The following NSUN6 variants were observed in gnomAD, a reference collection of about 807,000 sequenced individuals.
NSUN6 encodes NOP2/Sun RNA methyltransferase 6, also known as tRNA (cytosine(72)-C(5))-methyltransferase NSUN6.
NSUN6 carries 64 observed loss-of-function variants against 58.0 expected under a neutral mutation model. The observed-to-expected ratio is 1.10, with a 90% confidence interval of 0.90 to 1.36. NSUN6 has a LOEUF of 1.36. Among genes scored for constraint, NSUN6 ranks in the 40% most tolerant of loss-of-function variants. NSUN6 has a pLI of 0.00. For synonymous variants in NSUN6, 231 were observed against 193.9 expected (o/e 1.19, Z -1.59); for missense variants, 701 against 550.1 (o/e 1.27, Z -2.74).
At chr10:18,552,370 AAC>A (rs140683324) in intron 8 of NSUN6, among the ~76,000 whole-genome samples, 17,919 of 152,000 alleles carry the variant, frequency 0.12, 1,113 homozygotes, top group Middle Eastern at 0.19. Flanking sequence ...ACTGTTGTGA[AAC>A]ACACTGATTC....
intron 2 of NSUN6, among the ~76,000 whole-genome samples, chr10:18,646,374 A>G (rs1227924256): frequency 6.6e-6 from 1 of 152,152 alleles, no homozygotes; most frequent in Non-Finnish European, 1.5e-5. Flanking sequence ...AGAATCGGGT[A>G]CTGCTTTACC....
At chr10:18,641,930 C>T (rs1163861154) in intron 3 of NSUN6, among the ~76,000 whole-genome samples, 1 of 151,978 alleles carries the variant, frequency 6.6e-6, no homozygotes, top group African/African-American at 2.4e-5. Flanking sequence ...TAGCCAGGTG[C>T]AGTGGTGCGC....
chr10:18,649,775 T>TA (rs1433682281), intron 1 of NSUN6, among the ~76,000 whole-genome samples: 2 of 152,212 alleles, frequency 1.3e-5, no homozygotes, highest in African/African-American at 4.8e-5. Flanking sequence ...ATCTTCTTTA[T>TA]AAAACGACGT....
Position 18,551,959 on chromosome 10 carries a change from A to C in NSUN6, c.935T>G (p.Phe312Cys). The change falls in exon 9 of 11, where the codon TTT (phenylalanine) becomes TGT (cysteine). Residue 312 changes from phenylalanine (F) to cysteine (C), a missense_variant. By Grantham distance (205) the Phe-to-Cys change is radical. Coordinates refer to ENST00000377304, the MANE Select transcript of NSUN6 (RefSeq NM_182543.5). Reference sequence around the variant, plus strand: ...AATTCGGTCAAAGGATTCTGGTAGAAATGGAGGTTCTCCTATAAAGAGAAT... The same window carrying C: ...AATTCGGTCAAAGGATTCTGGTAGACATGGAGGTTCTCCTATAAAGAGAAT... ...MVEDTEGEPPFLPESFDRILL... is the reference protein window; with the variant it reads ...MVEDTEGEPPCLPESFDRILL... The C allele has an allele frequency of 6.2e-7, 1 of 1,602,786 alleles. No individual in the cohort carries two copies. The highest frequency in any genetic ancestry group is 8.5e-7 in the Non-Finnish European group (1 of 1,170,908).
At chr10:18,581,752 G>A (rs2056913774) in intron 8 of NSUN6, among the ~76,000 whole-genome samples, 1 of 151,852 alleles carries the variant, frequency 6.6e-6, no homozygotes, top group Non-Finnish European at 1.5e-5. Context: ...CTTGAACCCG[G>A]GAGGCGGAGG....
intron 8 of NSUN6, among the ~76,000 whole-genome samples, chr10:18,559,966 GGAATGGAATGGAGAATC>G (rs1471566453): frequency 6.6e-6 from 1 of 150,422 alleles, no homozygotes; most frequent in East Asian, 2.0e-4. Flanking sequence ...AGAATGGTTT[GGAATGGAATGGAGAATC>G]GAATGGAATA....
rs113934634 is a variant in NSUN6, at chr10:18,577,829, C to T, written c.922+8120G>A. ...ACTCATTCTGATCTACCCTGGCTCC[C>T]GCCAAACCACTCACCCTGTCATTCT... On this transcript the variant is annotated intron_variant, in intron 8 of 10. Coordinates refer to ENST00000377304, the MANE Select transcript of NSUN6 (RefSeq NM_182543.5). 3.3e-4 allele frequency among the ~76,000 whole-genome samples: 50 copies of T among 152,314 alleles called. 1 individual carries two copies. The highest frequency in any genetic ancestry group is 1.0e-3 in the African/African-American group (42 of 41,572).
chr10:18,549,326 C>G (rs544054537), intron 9 of NSUN6, among the ~76,000 whole-genome samples: 1 of 152,178 alleles, frequency 6.6e-6, no homozygotes, highest in Non-Finnish European at 1.5e-5. Flanking sequence ...ACAAGACACA[C>G]TGGCACCTCA....
rs142355466 is a variant in NSUN6, at chr10:18,647,018, T to C, written c.231+1472A>G. ...ATAAGATTATCACTATCAATAAAAATCAGATTAATTTTTAAAAAATCTTAT... is the reference window on the plus strand; with the variant it reads ...ATAAGATTATCACTATCAATAAAAACCAGATTAATTTTTAAAAAATCTTAT... On this transcript the variant is annotated intron_variant, in intron 2 of 10. Transcript: ENST00000377304. Among the ~76,000 whole-genome samples, 874 of 152,280 alleles carry C rather than the reference T, an allele frequency of 5.7e-3. 6 individuals carry two copies. Among genetic ancestry groups the C allele is most frequent in the African/African-American group, 0.02 (827 of 41,538 alleles).
chr10:18,564,950 T>G (rs1417296404), intron 8 of NSUN6, among the ~76,000 whole-genome samples: 1 of 149,122 alleles, frequency 6.7e-6, no homozygotes, highest in Non-Finnish European at 1.5e-5. Flanking sequence ...TTCATTGCAT[T>G]CTATTCTTCA....
intron 4 of NSUN6, 43 bp from the exon 5 acceptor site, chr10:18,614,656 G>T: frequency 7.5e-6 from 8 of 1,072,592 alleles, no homozygotes; most frequent in Non-Finnish European, 1.0e-5. Flanking sequence ...TTATACTTTG[G>T]CAGAAGAATC....
chr10:18,562,667 G>A (rs1425146494), intron 8 of NSUN6, among the ~76,000 whole-genome samples: 5 of 145,430 alleles, frequency 3.4e-5, no homozygotes, highest in Non-Finnish European at 7.5e-5. Flanking sequence ...GGAATGGGAA[G>A]GAGAATGGAA....
At position 18,549,959 on chromosome 10, in the gene NSUN6, T is replaced by C. The variant is rs139379521; in HGVS notation, c.1072-1722A>G. On this transcript the variant is annotated intron_variant, in intron 9 of 10. Coordinates refer to ENST00000377304, the MANE Select transcript of NSUN6 (RefSeq NM_182543.5). ...TCCTAATAGGTAGAGCTGTTATCCC[T>C]GCTACTCAGATATAGAAAACAATGT... Among the ~76,000 whole-genome samples, 207 of 152,336 alleles carry C rather than the reference T, an allele frequency of 1.4e-3. 2 individuals are homozygous for C. Among genetic ancestry groups the C allele is most frequent in the African/African-American group, 4.8e-3 (199 of 41,584 alleles).
At chr10:18,650,113 G>A (rs2059661001) in intron 1 of NSUN6, among the ~76,000 whole-genome samples, 1 of 152,222 alleles carries the variant, frequency 6.6e-6, no homozygotes, top group Non-Finnish European at 1.5e-5. Context: ...AACATTTACT[G>A]AGGACTTCTG....
chr10:18,642,613 T>C (rs142201022), intron 2 of NSUN6, 58 bp from the exon 3 acceptor site: 8 of 872,380 alleles, frequency 9.2e-6, no homozygotes, highest in African/African-American at 3.4e-5. Context: ...TTTCAACTTA[T>C]GGAACTTTTC....
At chr10:18,631,269 T>G (rs1016381173) in intron 3 of NSUN6, among the ~76,000 whole-genome samples, 15 of 148,182 alleles carry the variant, frequency 1.0e-4, no homozygotes, top group Non-Finnish European at 2.3e-4. Flanking sequence ...TAATAAGAGC[T>G]ATCTATGACA....
chr10:18,650,380 T>C (rs1460417036), intron 1 of NSUN6, among the ~76,000 whole-genome samples: 1 of 152,232 alleles, frequency 6.6e-6, no homozygotes. Context: ...ATTAACATTT[T>C]TTGAGGACTT....
intron 1 of NSUN6, among the ~76,000 whole-genome samples, chr10:18,649,695 C>A (rs367732097): frequency 6.6e-6 from 1 of 151,584 alleles, no homozygotes; most frequent in East Asian, 1.9e-4. Flanking sequence ...AAAGGCATAG[C>A]TTTTCATTTT....
In NSUN6 at chr10:18,551,790, A is replaced by G. The variant is rs201227812; in HGVS notation, c.1071+33T>C. The G allele has an allele frequency of 1.9e-6, 3 of 1,592,530 alleles. No individual in the cohort carries two copies. The East Asian group carries it at 6.7e-5, about 36-fold the overall frequency. The stretch of plus-strand genomic sequence containing the variant: ...TTTAAACATCAAAGTAGCAAAAGTT[A>G]ACTTTGTTTCACAAAAACAGACCAC... On this transcript the variant is annotated intron_variant, in intron 9 of 10. Coordinates refer to ENST00000377304, the MANE Select transcript of NSUN6 (RefSeq NM_182543.5).
Sources: allele counts gnomAD v4.1 joint callset (sites outside exome capture counted in the v4.1 genomes callset), GRCh38; gene constraint gnomAD v4.1.1; transcripts MANE v1.5; gene names NCBI Gene and HGNC (gene_info 2026-07-23, HGNC 2026-07-21).